BCHE: variants seen among roughly 807,000 people sequenced by gnomAD.
The protein encoded by BCHE is butyrylcholinesterase.
In BCHE, 48 loss-of-function variants were observed where a neutral mutation model predicts 51.3. The ratio of observed to expected loss-of-function variants is 0.94; its 90% CI spans 0.74 to 1.19. BCHE has a LOEUF of 1.19. Ranked by LOEUF, BCHE falls within the 50% of genes most tolerant of loss-of-function variation. The pLI is 0.00. For missense variants in BCHE, 847 were observed against 708.2 expected, an observed-to-expected ratio of 1.20 and a Z score of -2.23; for synonymous variants, 251 against 238.0, an observed-to-expected ratio of 1.05 and a Z score of -0.50.
Position 165,829,892 on chromosome 3 carries a change from C to G in BCHE, c.1142G>C (p.Gly381Ala), listed in dbSNP as rs373114728. The change falls in exon 2 of 4, where the codon GGT (glycine) becomes GCT (alanine). Residue 381 changes from glycine (G) to alanine (A), a missense_variant. Gly to Ala is a moderately conservative substitution (Grantham distance 60, BLOSUM62 0). Coordinates refer to ENST00000264381, the MANE Select transcript of BCHE (RefSeq NM_000055.4). The part of the protein sequence containing the change: ...SIITRKEFQE[G>A]LKIFFPGVSE... The stretch of plus-strand genomic sequence containing the variant: ...CACTCCTGGAAAAAATATTTTTAAA[C>G]CTTCCTGAAATTCTTTTCTAGTTAT... The G allele has an allele frequency of 4.5e-5, 73 of 1,611,210 alleles. No homozygotes were observed. The highest frequency in any genetic ancestry group is 6.2e-5 in the Non-Finnish European group (73 of 1,179,248).
At chr3:165,808,880 T>C (rs1008506025) in intron 2 of BCHE, among the ~76,000 whole-genome samples, 1 of 152,226 alleles carries the variant, frequency 6.6e-6, no homozygotes, top group Non-Finnish European at 1.5e-5. Context: ...GCCATTCATA[T>C]CTACAAAACA....
chr3:165,796,684 C>T (rs971066979), intron 2 of BCHE, among the ~76,000 whole-genome samples: 3 of 152,096 alleles, frequency 2.0e-5, no homozygotes, highest in Admixed American at 2.0e-4. Flanking sequence ...ATTATGTGAA[C>T]ATTTTAATCT....
intron 2 of BCHE, among the ~76,000 whole-genome samples, chr3:165,809,009 C>T (rs1431149388): frequency 6.6e-6 from 1 of 151,698 alleles, no homozygotes; most frequent in Non-Finnish European, 1.5e-5. Flanking sequence ...AGTTTTTATC[C>T]CTTTTGACTT....
At chr3:165,810,148 C>A (rs997857837) in intron 2 of BCHE, among the ~76,000 whole-genome samples, 8 of 152,142 alleles carry the variant, frequency 5.3e-5, no homozygotes, top group Non-Finnish European at 1.0e-4. Flanking sequence ...TAGTATGTTT[C>A]AGATAGGCTA....
chr3:165,805,904 A>G (rs921432450), intron 2 of BCHE, among the ~76,000 whole-genome samples: 3 of 152,114 alleles, frequency 2.0e-5, no homozygotes, highest in Admixed American at 6.6e-5. Flanking sequence ...CTACCTGATT[A>G]CCAGAGCTCA....
chr3:165,776,145 C>G (rs1712463676), intron 3 of BCHE, among the ~76,000 whole-genome samples: 2 of 151,962 alleles, frequency 1.3e-5, no homozygotes, highest in South Asian at 2.1e-4. Context: ...CAAATTTTAA[C>G]TTATTTAAAA....
intron 3 of BCHE, among the ~76,000 whole-genome samples, chr3:165,775,645 C>T (rs1056752867): frequency 3.4e-4 from 51 of 151,546 alleles, no homozygotes; most frequent in African/African-American, 1.2e-3. Flanking sequence ...TGGAATAATA[C>T]CAAAATCACT....
intron 2 of BCHE, among the ~76,000 whole-genome samples, chr3:165,826,450 A>T (rs1473518820): frequency 1.3e-5 from 2 of 152,160 alleles, no homozygotes; most frequent in Non-Finnish European, 2.9e-5. Flanking sequence ...AAACTAATCT[A>T]TAATAAAAAT....
chr3:165,788,277 A>T (rs1713037191), intron 2 of BCHE, among the ~76,000 whole-genome samples: 2 of 152,064 alleles, frequency 1.3e-5, no homozygotes. Context: ...ATAGATGCAG[A>T]CATGTTCAAC....
At chr3:165,807,773 A>G (rs190300887) in intron 2 of BCHE, among the ~76,000 whole-genome samples, 286 of 151,918 alleles carry the variant, frequency 1.9e-3, no homozygotes, top group African/African-American at 6.7e-3. Flanking sequence ...TATGTTGGCC[A>G]AGCTGGTGTT....
In BCHE at chr3:165,833,736, C is replaced by A. The variant is rs78259038; in HGVS notation, c.-8-2695G>T. On this transcript the variant is annotated intron_variant, in intron 1 of 3. Transcript: ENST00000264381. ...TTCTGATAACCGCTAATCCTTTTCT[C>A]TTTAATAAATGCAGGAGAGCATCTG... is the stretch of plus-strand genomic sequence containing the variant. Among the ~76,000 whole-genome samples the A allele has an allele frequency of 1.7e-3, 263 of 152,152 alleles. 1 individual carries two copies. The highest frequency in any genetic ancestry group is 0.017 in the East Asian group (87 of 5,170).
At position 165,830,636 on chromosome 3, in the gene BCHE, T is replaced by G; in HGVS notation, c.398A>C (p.Lys133Thr). 6.2e-7 allele frequency: 1 copy of G among 1,614,050 alleles called. No individual in the cohort carries two copies. The highest frequency in any genetic ancestry group is 8.5e-7 in the Non-Finnish European group (1 of 1,179,966). The change falls in exon 2 of 4, where the codon AAA becomes ACA. Residue 133 changes from lysine (K) to threonine (T), a missense_variant. Coordinates refer to ENST00000264381, the MANE Select transcript of BCHE (RefSeq NM_000055.4). ...AATCCATATCAATACAGTGGCATTT[T>G]TTGGTTTAGGTGCTGGAATCCATAC... The part of the protein sequence containing the change: ...LNVWIPAPKP[K>T]NATVLIWIYG...
intron 2 of BCHE, chr3:165,828,040 A>G: frequency 2.2e-6 from 1 of 456,196 alleles, no homozygotes; most frequent in South Asian, 1.6e-5. Context: ...TGTTTCAAGA[A>G]CGTAGTTTAG....
chr3:165,816,636 A>G (rs944538740), intron 2 of BCHE, among the ~76,000 whole-genome samples: 5 of 151,970 alleles, frequency 3.3e-5, no homozygotes, highest in African/African-American at 1.2e-4. Flanking sequence ...CCACAATCAT[A>G]CACAATTTCA....
At chr3:165,806,950 AGGT>A (rs1346360233) in intron 2 of BCHE, among the ~76,000 whole-genome samples, 5 of 152,148 alleles carry the variant, frequency 3.3e-5, no homozygotes, top group African/African-American at 9.6e-5. Context: ...TGTCTTTAGG[AGGT>A]TATGTTAAAT....
chr3:165,790,681 G>A (rs1713132042), intron 2 of BCHE, among the ~76,000 whole-genome samples: 1 of 152,158 alleles, frequency 6.6e-6, no homozygotes, highest in South Asian at 2.1e-4. Context: ...CTAACTCTGG[G>A]TAAGGGAGCT....
chr3:165,829,517 C>G lies in BCHE; in HGVS notation c.1517G>C (p.Gly506Ala), dbSNP rs532499978. Residue 506 changes from glycine (G) to alanine (A), a missense_variant and splice_region_variant, in exon 2 of 4, where the codon GGG (glycine) becomes GCG (alanine). Gly to Ala is a moderately conservative substitution (Grantham distance 60). Transcript: ENST00000264381. The stretch of plus-strand genomic sequence containing the variant: ...AACAATGACAAAAATCAGCACTTAC[C>G]CATATTTTGCAAAATTTGCCCACCG... ...VKRWANFAKYGNPNETQNNST... is the reference protein window; with the variant it reads ...VKRWANFAKYANPNETQNNST... 2 of 1,612,260 alleles carry G rather than the reference C, an allele frequency of 1.2e-6. No homozygotes were observed. Among genetic ancestry groups the G allele is most frequent in the East Asian group, 2.2e-5 (1 of 44,858 alleles).
At chr3:165,778,818 A>T (rs748619337) in intron 3 of BCHE, 1 of 335,170 alleles carries the variant, frequency 3.0e-6, no homozygotes, top group African/African-American at 2.1e-5. Context: ...CTTGTTATAC[A>T]TCTGATAAGA....
chr3:165,790,191 C>G (rs111537711), intron 2 of BCHE, among the ~76,000 whole-genome samples: 1 of 152,090 alleles, frequency 6.6e-6, no homozygotes, highest in African/African-American at 2.4e-5. Context: ...TCATACTGAC[C>G]TCCATGGAGG....
Sources: allele counts gnomAD v4.1 joint callset (sites outside exome capture counted in the v4.1 genomes callset), GRCh38; gene constraint gnomAD v4.1.1; transcripts MANE v1.5; gene names NCBI Gene and HGNC (gene_info 2026-07-23, HGNC 2026-07-21).